RAB3GAP1: variants seen among roughly 807,000 people sequenced by gnomAD.
RAB3GAP1 encodes rab3 GTPase-activating protein catalytic subunit.
RAB3GAP1 carries 86 observed loss-of-function variants against 130.7 expected under a neutral mutation model. The observed-to-expected ratio is 0.66, with a 90% CI of 0.55 to 0.79. RAB3GAP1 has a LOEUF of 0.79. RAB3GAP1 is among the 30% of genes least tolerant of loss of function. RAB3GAP1 has a pLI of 0.00. For missense variants in RAB3GAP1, 1,029 were observed against 1,169.4 expected, an observed-to-expected ratio of 0.88 and a Z score of 1.75; for synonymous variants, 367 against 401.7, an observed-to-expected ratio of 0.91 and a Z score of 1.03.
chr2:135,128,179 A>G (rs1337109501), intron 11 of RAB3GAP1, among the ~76,000 whole-genome samples: 1 of 152,234 alleles, frequency 6.6e-6, no homozygotes, highest in African/African-American at 2.4e-5. Context: ...TAGTGAATAC[A>G]AAGATGTATA....
downstream of RAB3GAP1, among the ~76,000 whole-genome samples, chr2:135,172,633 G>T (rs981769292): frequency 1.3e-4 from 20 of 152,288 alleles, no homozygotes; most frequent in African/African-American, 4.8e-4. Context: ...TTCAGTGAGG[G>T]TCTGAGAGTC....
chr2:135,076,925 T>C (rs1689647671), intron 3 of RAB3GAP1, among the ~76,000 whole-genome samples: 1 of 152,224 alleles, frequency 6.6e-6, no homozygotes, highest in Non-Finnish European at 1.5e-5. Flanking sequence ...AGAATTTCAT[T>C]CCTTTTGAAG....
At chr2:135,128,331 C>T (rs1558789845) in intron 11 of RAB3GAP1, among the ~76,000 whole-genome samples, 1 of 152,108 alleles carries the variant, frequency 6.6e-6, no homozygotes, top group Non-Finnish European at 1.5e-5. Flanking sequence ...TCTTTTTAAG[C>T]CCCAGAGTCC....
chr2:135,103,613 G>A lies in RAB3GAP1; in HGVS notation c.363-9538G>A, dbSNP rs554629748. ...GGCTCCTCTTCCTGTAGCTGTTTCT[G>A]TCACCTCCCCTCTTCTCTCTAATCT... On this transcript the variant is annotated intron_variant, in intron 5 of 23. Transcript: ENST00000264158. Among the ~76,000 whole-genome samples the A allele has an allele frequency of 2.2e-4, 34 of 152,232 alleles. No individual in the cohort carries two copies. The South Asian group carries it at 6.2e-3, about 28-fold the overall frequency.
At chr2:135,062,662 A>G (rs1178058285) in intron 3 of RAB3GAP1, among the ~76,000 whole-genome samples, 1 of 152,242 alleles carries the variant, frequency 6.6e-6, no homozygotes, top group East Asian at 1.9e-4. Flanking sequence ...AGTCATGAAC[A>G]TGGCACATCT....
chr2:135,096,259 A>G lies in RAB3GAP1; in HGVS notation c.362+2566A>G, dbSNP rs1298461278. ...TTACATACTGGTTTGAAATTATTCT[A>G]TTGTTATCAGTTGGTCTTTTGATTT... On this transcript the variant is annotated intron_variant, in intron 5 of 23. Coordinates refer to ENST00000264158, the MANE Select transcript of RAB3GAP1 (RefSeq NM_012233.3). 5.3e-5 allele frequency among the ~76,000 whole-genome samples: 8 copies of G among 152,274 alleles called. No individual in the cohort carries two copies. In the East Asian group the frequency reaches 1.2e-3, roughly 22 times the overall value.
chr2:135,167,274 A>G (rs1298392982), intron 23 of RAB3GAP1, among the ~76,000 whole-genome samples: 3 of 152,190 alleles, frequency 2.0e-5, no homozygotes, highest in Non-Finnish European at 4.4e-5. Context: ...ACATACTTAA[A>G]TGGAATTCAG....
intron 19 of RAB3GAP1, among the ~76,000 whole-genome samples, chr2:135,154,417 A>AC (rs927185278): frequency 8.6e-5 from 13 of 151,784 alleles, no homozygotes; most frequent in South Asian, 6.3e-4. Flanking sequence ...TACCTCCTCC[A>AC]CCCCCCCAAG....
intron 3 of RAB3GAP1, among the ~76,000 whole-genome samples, chr2:135,075,389 G>A (rs1366572065): frequency 6.6e-6 from 1 of 151,910 alleles, no homozygotes; most frequent in African/African-American, 2.4e-5. Flanking sequence ...TTCCATGTGT[G>A]CACATTATAC....
At chr2:135,108,738 G>A (rs1170190450) in intron 5 of RAB3GAP1, among the ~76,000 whole-genome samples, 2 of 151,980 alleles carry the variant, frequency 1.3e-5, no homozygotes, top group Non-Finnish European at 2.9e-5. Context: ...TTGTGCCTTT[G>A]GTGTTGCATC....
chr2:135,152,066 C>A (rs1053801859), intron 18 of RAB3GAP1, among the ~76,000 whole-genome samples: 4 of 152,236 alleles, frequency 2.6e-5, no homozygotes. Flanking sequence ...TTTAAATAGT[C>A]AACTTACATA....
At chr2:135,142,005 T>A (rs916883582) in intron 17 of RAB3GAP1, among the ~76,000 whole-genome samples, 4 of 152,240 alleles carry the variant, frequency 2.6e-5, no homozygotes, top group Non-Finnish European at 5.9e-5. Context: ...TCTTCAACAT[T>A]ATCTTAGCTA....
At chr2:135,175,558 T>TA (rs1211744821), downstream of RAB3GAP1, 1 of 152,230 alleles carries the variant, frequency 6.6e-6, no homozygotes, top group Non-Finnish European at 1.5e-5. Context: ...CCAAATTGTA[T>TA]ATGCTCTTAG....
intron 5 of RAB3GAP1, among the ~76,000 whole-genome samples, chr2:135,105,422 C>T (rs940284533): frequency 1.3e-5 from 2 of 152,032 alleles, no homozygotes; most frequent in African/African-American, 2.4e-5. Flanking sequence ...TTGGTGGAGA[C>T]GGGGTTTCAC....
intron 5 of RAB3GAP1, among the ~76,000 whole-genome samples, chr2:135,094,479 A>G (rs1690234884): frequency 6.6e-6 from 1 of 152,058 alleles, no homozygotes; most frequent in South Asian, 2.1e-4. Context: ...TGAATGCTAG[A>G]TCTTACTTTT....
intron 3 of RAB3GAP1, among the ~76,000 whole-genome samples, chr2:135,086,070 C>T (rs182976292): frequency 2.0e-5 from 3 of 152,236 alleles, no homozygotes; most frequent in African/African-American, 7.2e-5. Context: ...AAAAATTCAC[C>T]CATATAGTAT....
chr2:135,117,711 GCTTCTT>G (rs1321223336), intron 7 of RAB3GAP1, among the ~76,000 whole-genome samples: 691 of 22,018 alleles, frequency 0.031, 1 homozygote, highest in Middle Eastern at 0.091. Flanking sequence ...TTCTGCTTCT[GCTTCTT>G]CTTCTGCTTC....
chr2:135,171,796 G>A (rs925000356), downstream of RAB3GAP1, among the ~76,000 whole-genome samples: 8 of 152,152 alleles, frequency 5.3e-5, no homozygotes, highest in African/African-American at 1.9e-4. Context: ...AAGGGAGTCT[G>A]TCTTCTAGGA....
rs556631215 is a variant in RAB3GAP1, at chr2:135,106,464, C to T, written c.363-6687C>T. The stretch of plus-strand genomic sequence containing the variant: ...TTAATCTATAACCTTACCCCCAACC[C>T]GTGCTCTCTGAAACGTGCTGTGTCC... On this transcript the variant is annotated intron_variant, in intron 5 of 23. Transcript: ENST00000264158. 9.3e-4 allele frequency among the ~76,000 whole-genome samples: 142 copies of T among 152,266 alleles called. 1 individual carries two copies. Among genetic ancestry groups the T allele is most frequent in the African/African-American group, 3.0e-3 (124 of 41,550 alleles).
Sources: allele counts gnomAD v4.1 joint callset (sites outside exome capture counted in the v4.1 genomes callset), GRCh38; gene constraint gnomAD v4.1.1; transcripts MANE v1.5; gene names NCBI Gene and HGNC (gene_info 2026-07-23, HGNC 2026-07-21).